The following WWOX variants were observed in gnomAD, a reference collection of about 807,000 sequenced individuals.
WWOX encodes WW domain containing oxidoreductase.
A neutral mutation model predicts 46.2 loss-of-function variants in WWOX; 69 were observed. The observed-to-expected ratio is 1.49, with a 90% CI of 1.23 to 1.82. The LOEUF (loss-of-function observed/expected upper bound fraction) is 1.82. Ranked by LOEUF, WWOX falls within the 40% of genes most tolerant of loss-of-function variation. The pLI is 0.00. For missense variants in WWOX, 919 were observed against 542.6 expected (o/e 1.69, Z -6.89); for synonymous variants, 359 against 202.6 (o/e 1.77, Z -6.56).
chr16:79,139,801 C>T (rs537352715), intron 8 of WWOX, among the ~76,000 whole-genome samples: 6 of 152,336 alleles, frequency 3.9e-5, no homozygotes, highest in African/African-American at 1.4e-4. Flanking sequence ...AAAAATGTCC[C>T]TGGGCACTTG....
intron 8 of WWOX, among the ~76,000 whole-genome samples, chr16:79,126,584 C>T (rs908766029): frequency 2.0e-5 from 3 of 152,106 alleles, no homozygotes; most frequent in Non-Finnish European, 2.9e-5. Context: ...GAGGCCTCCC[C>T]AGTCATGTGA....
chr16:78,849,798 C>T (rs1012932199), intron 8 of WWOX, among the ~76,000 whole-genome samples: 2 of 151,896 alleles, frequency 1.3e-5, no homozygotes, highest in East Asian at 1.9e-4. Flanking sequence ...CTGGGCTGGG[C>T]GTGGTGGCTC....
At chr16:79,092,693 C>T (rs984904036) in intron 8 of WWOX, among the ~76,000 whole-genome samples, 1 of 152,138 alleles carries the variant, frequency 6.6e-6, no homozygotes, top group Non-Finnish European at 1.5e-5. Context: ...ATGTATGTAC[C>T]TTTCATGGAC....
rs865811084 is a variant in WWOX at position 78,323,942 on chromosome 16, C to T, written c.517-62918C>T. 2.0e-5 allele frequency among the ~76,000 whole-genome samples: 3 copies of T among 152,272 alleles called. No homozygotes were observed. In the South Asian group the frequency reaches 6.2e-4, roughly 32 times the overall value. On this transcript the variant is annotated intron_variant, in intron 5 of 8. Transcript: ENST00000566780. ...GCATAGATGCCCCTTTACTGAGCAG[C>T]AGCTGGGTGCTGGGCACTGTGCTAG...
At chr16:78,641,019 C>A (rs1180539642) in intron 8 of WWOX, among the ~76,000 whole-genome samples, 2 of 151,800 alleles carry the variant, frequency 1.3e-5, no homozygotes, top group Non-Finnish European at 2.9e-5. Flanking sequence ...AAGGAACCAG[C>A]TGCAAAAATT....
chr16:78,654,147 G>T (rs776598983), intron 8 of WWOX, among the ~76,000 whole-genome samples: 18 of 152,326 alleles, frequency 1.2e-4, no homozygotes, highest in Non-Finnish European at 2.1e-4. Flanking sequence ...ATGAGCACAG[G>T]ATTTAGAATC....
intron 8 of WWOX, among the ~76,000 whole-genome samples, chr16:78,544,529 G>A (rs560058114): frequency 1.2e-4 from 18 of 152,146 alleles, no homozygotes; most frequent in Non-Finnish European, 4.4e-5. Context: ...ATGCAGAACT[G>A]TGTGGCATCA....
intron 7 of WWOX, 72 bp from the exon 8 acceptor site, chr16:78,432,416 T>C: frequency 6.3e-7 from 1 of 1,588,762 alleles, no homozygotes; most frequent in Non-Finnish European, 8.6e-7. Flanking sequence ...TTCCTTAGAT[T>C]TCCAATAAAA....
intron 8 of WWOX, chr16:78,872,985 T>TGA (rs1417306643): frequency 6.6e-6 from 1 of 152,188 alleles, no homozygotes; most frequent in Non-Finnish European, 1.5e-5. Context: ...TCTGTAAAGA[T>TGA]GAGGTCTTGC....
At chr16:79,053,787 C>G (rs1018854328) in intron 8 of WWOX, among the ~76,000 whole-genome samples, 1 of 152,114 alleles carries the variant, frequency 6.6e-6, no homozygotes, top group South Asian at 2.1e-4. Flanking sequence ...AACCATTAAT[C>G]CTGGAGCCTC....
At chr16:78,142,799 T>G (rs2034032692) in intron 4 of WWOX, among the ~76,000 whole-genome samples, 1 of 152,230 alleles carries the variant, frequency 6.6e-6, no homozygotes, top group South Asian at 2.1e-4. Context: ...AGATAGAGTT[T>G]TTGCTATGTT....
chr16:78,976,467 C>T (rs1473056063), intron 8 of WWOX, among the ~76,000 whole-genome samples: 1 of 152,162 alleles, frequency 6.6e-6, no homozygotes, highest in African/African-American at 2.4e-5. Flanking sequence ...ATGGTGGCAG[C>T]CTGGGAGGCT....
intron 8 of WWOX, among the ~76,000 whole-genome samples, chr16:79,092,617 T>G (rs2048985740): frequency 6.6e-6 from 1 of 152,230 alleles, no homozygotes; most frequent in South Asian, 2.1e-4. Context: ...CTGATTCATC[T>G]GGCGAAACCC....
chr16:79,009,992 G>C (rs982214678), intron 8 of WWOX, among the ~76,000 whole-genome samples: 3 of 152,152 alleles, frequency 2.0e-5, no homozygotes, highest in Admixed American at 2.0e-4. Flanking sequence ...CAGTATCCTA[G>C]GACTTCAGAA....
chr16:78,934,333 G>C (rs1180149385), intron 8 of WWOX, among the ~76,000 whole-genome samples: 1 of 45,444 alleles, frequency 2.2e-5, no homozygotes, highest in African/African-American at 1.1e-4. Context: ...GCAAGTCTCC[G>C]TCTCAAAAAA....
chr16:78,428,377 C>T (rs2083136430), intron 7 of WWOX, among the ~76,000 whole-genome samples: 1 of 152,210 alleles, frequency 6.6e-6, no homozygotes, highest in African/African-American at 2.4e-5. Context: ...ACCCTTGCCA[C>T]TTCCTGGAGG....
chr16:79,153,288 C>A (rs2050317150), intron 8 of WWOX, among the ~76,000 whole-genome samples: 1 of 152,090 alleles, frequency 6.6e-6, no homozygotes, highest in East Asian at 1.9e-4. Context: ...AGCTGTGAGA[C>A]TCCCCTGTAC....
chr16:78,755,632 G>T (rs999457062), intron 8 of WWOX, among the ~76,000 whole-genome samples: 1 of 152,180 alleles, frequency 6.6e-6, no homozygotes, highest in East Asian at 1.9e-4. Context: ...TTTGTCACCT[G>T]GAGGAACATC....
intron 8 of WWOX, among the ~76,000 whole-genome samples, chr16:78,863,121 C>A (rs1432335918): frequency 1.3e-5 from 2 of 151,932 alleles, no homozygotes; most frequent in Non-Finnish European, 2.9e-5. Context: ...CCAAGCCTGG[C>A]TAATTTTTGT....
Sources: gnomAD v4.1 joint callset for allele counts (sites outside exome capture counted in the v4.1 genomes callset) on GRCh38, gnomAD v4.1.1 for gene constraint, MANE v1.5 for transcripts, NCBI Gene and HGNC (gene_info 2026-07-23, HGNC 2026-07-21) for gene names.